Variants in DNAJC1 observed in about 807,000 individuals in gnomAD.
The protein encoded by DNAJC1 is dnaJ homolog subfamily C member 1.
DNAJC1 carries 58 observed loss-of-function variants against 76.6 expected under a neutral mutation model. That is an observed-to-expected ratio of 0.76 (90% CI 0.61 to 0.94). The LOEUF (loss-of-function observed/expected upper bound fraction) is 0.94. Ranked by LOEUF, DNAJC1 falls within the 40% of genes least tolerant of loss-of-function variation. The pLI, the probability that DNAJC1 is intolerant of heterozygous loss-of-function variation, is 0.00. For synonymous variants in DNAJC1, 258 were observed against 267.9 expected (o/e 0.96, Z 0.36); for missense variants, 689 against 677.3 (o/e 1.02, Z -0.19).
intron 1 of DNAJC1, among the ~76,000 whole-genome samples, chr10:21,963,677 C>T (rs1047570151): frequency 2.6e-5 from 4 of 152,036 alleles, no homozygotes; most frequent in African/African-American, 7.2e-5. Flanking sequence ...CTTTTTGCGT[C>T]TTTGTATTTT....
intron 5 of DNAJC1, 30 bp downstream of exon 5, chr10:21,919,802 A>G: frequency 6.7e-7 from 1 of 1,498,188 alleles, no homozygotes; most frequent in Non-Finnish European, 9.1e-7. Flanking sequence ...AAACAGCTTC[A>G]AATTATAAAG....
intron 1 of DNAJC1, among the ~76,000 whole-genome samples, chr10:21,938,926 C>G (rs1235818799): frequency 6.6e-6 from 1 of 152,178 alleles, no homozygotes; most frequent in African/African-American, 2.4e-5. Flanking sequence ...GAGTCTCGCT[C>G]TGTGGCCAGG....
chr10:21,891,049 C>T (rs887792865), intron 7 of DNAJC1, among the ~76,000 whole-genome samples: 1 of 151,712 alleles, frequency 6.6e-6, no homozygotes, highest in Non-Finnish European at 1.5e-5. Context: ...AATTAGCCAG[C>T]TGTGGTAGTG....
chr10:21,906,363 TA>T (rs199815138), intron 6 of DNAJC1, among the ~76,000 whole-genome samples: 1 of 151,958 alleles, frequency 6.6e-6, no homozygotes, highest in Non-Finnish European at 1.5e-5. Context: ...CCACCCCCCT[TA>T]AAAAAAGTCA....
intron 9 of DNAJC1, among the ~76,000 whole-genome samples, chr10:21,795,627 C>A (rs544637434): frequency 6.6e-6 from 1 of 152,170 alleles, no homozygotes; most frequent in Non-Finnish European, 1.5e-5. Context: ...GTGGCGATTT[C>A]ACAACTCTAC....
intron 8 of DNAJC1, among the ~76,000 whole-genome samples, chr10:21,813,016 TACACACACATACACACAC>T (rs1324196283): frequency 1.2e-5 from 1 of 82,286 alleles, no homozygotes; most frequent in Admixed American, 1.2e-4. Context: ...AAAAGACATA[TACACACACATACACACAC>T]ACACACACAC....
intron 3 of DNAJC1, among the ~76,000 whole-genome samples, chr10:21,927,515 AT>A (rs1837149060): frequency 1.3e-5 from 2 of 152,224 alleles, no homozygotes; most frequent in African/African-American, 4.8e-5. Flanking sequence ...GTACTCTTGT[AT>A]CGTAGAACAT....
chr10:21,910,975 G>A (rs1836849305), intron 6 of DNAJC1, among the ~76,000 whole-genome samples: 1 of 148,240 alleles, frequency 6.7e-6, no homozygotes, highest in Middle Eastern at 3.5e-3. Flanking sequence ...AAAGAGGGGG[G>A]GAAGAGAGAA....
intron 6 of DNAJC1, among the ~76,000 whole-genome samples, chr10:21,910,674 G>A (rs1290492424): frequency 6.6e-6 from 1 of 152,010 alleles, no homozygotes; most frequent in Non-Finnish European, 1.5e-5. Flanking sequence ...GGTGGGAAGA[G>A]GGTGAGCTTC....
chr10:21,878,805 A>G (rs1365904322), intron 8 of DNAJC1, among the ~76,000 whole-genome samples: 1 of 152,182 alleles, frequency 6.6e-6, no homozygotes. Flanking sequence ...ACTAACTCCA[A>G]AAATTGAAAT....
In DNAJC1 at chr10:21,875,094, T is replaced by C. The variant is rs573900334; in HGVS notation, c.978+7188A>G. Among the ~76,000 whole-genome samples the C allele has an allele frequency of 5.9e-5, 9 of 152,312 alleles. No homozygotes were observed. In the South Asian group the frequency reaches 1.9e-3, roughly 32 times the overall value. On this transcript the variant is annotated intron_variant, in intron 8 of 11. Transcript: ENST00000376980. The stretch of plus-strand genomic sequence containing the variant: ...CGGCCTTTCACCATGTTGGCCAGGC[T>C]GGTCTTGAACTCCTGACCTCAGGTG...
At chr10:21,774,328 A>G (rs1172140588) in intron 9 of DNAJC1, among the ~76,000 whole-genome samples, 1 of 152,148 alleles carries the variant, frequency 6.6e-6, no homozygotes, top group East Asian at 1.9e-4. Context: ...GAATTCATAT[A>G]AACTTTTCAT....
intron 9 of DNAJC1, among the ~76,000 whole-genome samples, chr10:21,772,654 T>G (rs1031492987): frequency 2.6e-5 from 4 of 152,288 alleles, no homozygotes; most frequent in Admixed American, 1.3e-4. Context: ...CTTAAATGCA[T>G]GTTAATTTTC....
chr10:21,936,282 T>A (rs2131789443), intron 1 of DNAJC1, among the ~76,000 whole-genome samples: 1 of 152,330 alleles, frequency 6.6e-6, no homozygotes, highest in Middle Eastern at 3.4e-3. Flanking sequence ...GATCTTGGAC[T>A]TCCCAGTCTC....
At chr10:21,978,610 C>T (rs1838102372) in intron 1 of DNAJC1, among the ~76,000 whole-genome samples, 1 of 152,032 alleles carries the variant, frequency 6.6e-6, no homozygotes, top group Non-Finnish European at 1.5e-5. Context: ...GGCAGGAATC[C>T]TACATTTCTG....
Position 21,939,124 on chromosome 10 carries a change from C to T in DNAJC1, c.223-9983G>A, listed in dbSNP as rs78949687. ...CAGGATGGTCTTGATCTCTTGACCTCGTGATTCACCTACCTCAGCCTCCTG... is the reference window on the plus strand; with the variant it reads ...CAGGATGGTCTTGATCTCTTGACCTTGTGATTCACCTACCTCAGCCTCCTG... On this transcript the variant is annotated intron_variant, in intron 1 of 11. Coordinates refer to ENST00000376980, the MANE Select transcript of DNAJC1 (RefSeq NM_022365.4). 0.014 allele frequency among the ~76,000 whole-genome samples: 2,073 copies of T among 152,228 alleles called. 93 individuals are homozygous for T. The East Asian group carries it at 0.19, about 14-fold the overall frequency.
chr10:21,809,161 T>C (rs1269009546), intron 8 of DNAJC1, among the ~76,000 whole-genome samples: 1 of 152,130 alleles, frequency 6.6e-6, no homozygotes, highest in African/African-American at 2.4e-5. Context: ...AAGTAATCTA[T>C]ATGGACTTTT....
At chr10:21,801,330 G>A (rs1267503130) in intron 9 of DNAJC1, among the ~76,000 whole-genome samples, 4 of 152,106 alleles carry the variant, frequency 2.6e-5, no homozygotes, top group Non-Finnish European at 5.9e-5. Context: ...CAAAGGACAT[G>A]AAGAGACACT....
chr10:21,911,040 AAAG>A (rs1836850988), intron 6 of DNAJC1, among the ~76,000 whole-genome samples: 3 of 130,118 alleles, frequency 2.3e-5, no homozygotes, highest in African/African-American at 9.0e-5. Flanking sequence ...AAAGAGAGAG[AAAG>A]GAAGGAAGGA....
Sources: allele counts gnomAD v4.1 joint callset (sites outside exome capture counted in the v4.1 genomes callset), GRCh38; gene constraint gnomAD v4.1.1; transcripts MANE v1.5; gene names NCBI Gene and HGNC (gene_info 2026-07-23, HGNC 2026-07-21).